BAZ2A: variants seen among roughly 807,000 people sequenced by gnomAD.
The protein encoded by BAZ2A is bromodomain adjacent to zinc finger domain 2A.
Under a neutral mutation model 199.9 loss-of-function variants are expected in BAZ2A, and 34 were observed. The observed-to-expected ratio is 0.17, with a 90% CI of 0.13 to 0.23. The LOEUF (loss-of-function observed/expected upper bound fraction) is 0.23. Ranked by LOEUF, BAZ2A falls within the 10% of genes least tolerant of loss-of-function variation. The pLI is 1.00. For missense variants in BAZ2A, 2,002 were observed against 2,391.1 expected (o/e 0.84, Z 3.39); for synonymous variants, 857 against 883.9 (o/e 0.97, Z 0.54).
intron 1 of BAZ2A, chr12:56,621,088 ACCTCT>A: frequency 1.0e-6 from 1 of 985,174 alleles, no homozygotes; most frequent in Non-Finnish European, 1.2e-6. Flanking sequence ...TCTGATCCTC[ACCTCT>A]CCTCTCCCCA....
At chr12:56,636,878 G>T, upstream of BAZ2A, 1 of 152,560 alleles carries the variant, frequency 6.6e-6, no homozygotes, top group Non-Finnish European at 1.5e-5. Flanking sequence ...GAGACTGCGG[G>T]AGAGGCTGCT....
intron 1 of BAZ2A, among the ~76,000 whole-genome samples, chr12:56,620,114 A>G (rs981411516): frequency 2.6e-5 from 4 of 152,098 alleles, no homozygotes; most frequent in Non-Finnish European, 4.4e-5. Flanking sequence ...CCACACTGGA[A>G]GAAGTGTCTT....
chr12:56,627,835 AAAAAAG>A (rs1951153369), intron 1 of BAZ2A, among the ~76,000 whole-genome samples: 1 of 151,110 alleles, frequency 6.6e-6, no homozygotes, highest in Admixed American at 6.6e-5. Context: ...CAAAAAAAAA[AAAAAAG>A]AAAGAAAGAA....
upstream of BAZ2A, chr12:56,638,301 C>G (rs1951485840): frequency 1.3e-6 from 2 of 1,599,614 alleles, no homozygotes; most frequent in African/African-American, 2.7e-5. Flanking sequence ...AGGAGAGAGA[C>G]AGTACAGAGG....
intron 1 of BAZ2A, among the ~76,000 whole-genome samples, chr12:56,620,273 TG>T (rs1463677716): frequency 6.6e-6 from 1 of 152,098 alleles, no homozygotes; most frequent in East Asian, 1.9e-4. Flanking sequence ...TGGACAAGCT[TG>T]CTCTAAATTA....
At position 56,610,225 on chromosome 12, in the gene BAZ2A, A is replaced by C; in HGVS notation, c.1780-10T>G. 1.2e-6 allele frequency: 2 copies of C among 1,613,596 alleles called. No individual in the cohort carries two copies. Among genetic ancestry groups the C allele is most frequent in the Non-Finnish European group, 1.7e-6 (2 of 1,179,538 alleles). On this transcript the variant is annotated splice_polypyrimidine_tract_variant and intron_variant, in intron 8 of 28. Coordinates refer to ENST00000549884, the MANE Select transcript of BAZ2A (RefSeq NM_001300905.2). Reference sequence around the variant, plus strand: ...CGTTGCGGCTCAGGTACTAAGAGGAAGAAGTAAAGTAACATTAATAAAGTT... The same window carrying C: ...CGTTGCGGCTCAGGTACTAAGAGGACGAAGTAAAGTAACATTAATAAAGTT...
chr12:56,603,338 G>A (rs1352327529), intron 18 of BAZ2A, 21 bp downstream of exon 18: 1 of 1,611,906 alleles, frequency 6.2e-7, no homozygotes, highest in Non-Finnish European at 8.5e-7. Context: ...TCCAACTCTT[G>A]GGAGGTTAGA....
intron 1 of BAZ2A, among the ~76,000 whole-genome samples, chr12:56,618,620 G>C (rs1592605192): frequency 6.6e-6 from 1 of 152,236 alleles, no homozygotes; most frequent in Admixed American, 6.5e-5. Context: ...TTTTAAAAAA[G>C]AGAAGAATTC....
At chr12:56,612,280 A>AC in intron 5 of BAZ2A, 34 bp from the exon 6 acceptor site, 1 of 1,548,662 alleles carries the variant, frequency 6.5e-7, no homozygotes. Flanking sequence ...GGCTTTAAAA[A>AC]AAAAAAAGGC....
In BAZ2A at chr12:56,606,163, A is replaced by G. The variant is rs115515815; in HGVS notation, c.2259+84T>C. 773 of 1,592,694 alleles carry G rather than the reference A, an allele frequency of 4.9e-4. No homozygotes were observed. In the African/African-American group the frequency reaches 9.3e-3, roughly 19 times the overall value. On this transcript the variant is annotated intron_variant, in intron 12 of 28. Transcript: ENST00000549884. ...AACCTCACAGCCCAGAAATCTCACT[A>G]TAAAACAAGACTGATGTACATGTCC...
At chr12:56,616,474 G>A (rs1283099024) in intron 2 of BAZ2A, among the ~76,000 whole-genome samples, 3 of 152,184 alleles carry the variant, frequency 2.0e-5, no homozygotes, top group South Asian at 2.1e-4. Flanking sequence ...CAGAAGGCTG[G>A]GCTTGGCCCT....
intron 1 of BAZ2A, among the ~76,000 whole-genome samples, chr12:56,618,320 A>G (rs1291563615): frequency 6.6e-6 from 1 of 152,164 alleles, no homozygotes; most frequent in Admixed American, 6.5e-5. Context: ...TCACAGGGAA[A>G]ATAAAATAGC....
rs1232458623 is a variant in BAZ2A, at chr12:56,605,063, T to A, written c.2748+10A>T. 1 of 1,591,304 alleles carries A rather than the reference T, an allele frequency of 6.3e-7. No individual in the cohort carries two copies. The highest frequency in any genetic ancestry group is 8.6e-7 in the Non-Finnish European group (1 of 1,165,580). ...TTGTCCTGGTTACTTTGGGAGGGAC[T>A]TGCACTCACCTGACAGTAGGAGGGA... On this transcript the variant is annotated intron_variant, in intron 14 of 28. Transcript: ENST00000549884.
At position 56,598,940 on chromosome 12, in the gene BAZ2A, A is replaced by G; in HGVS notation, c.5474T>C (p.Val1825Ala). 6.2e-7 allele frequency: 1 copy of G among 1,608,696 alleles called. No individual in the cohort carries two copies. Among genetic ancestry groups the G allele is most frequent in the Non-Finnish European group, 8.5e-7 (1 of 1,177,602 alleles). ...TTTGATGATGCGCCGGTACCCACTCACCAAACGTGGGTTCACAGGCTCTAG... is the reference window on the plus strand; with the variant it reads ...TTTGATGATGCGCCGGTACCCACTCGCCAAACGTGGGTTCACAGGCTCTAG... ...PFLEPVNPRLVSGYRRIIKNP... is the reference protein window; with the variant it reads ...PFLEPVNPRLASGYRRIIKNP... The change falls in exon 28 of 29, where the codon GTG becomes GCG. Residue 1825 changes from valine (V) to alanine (A), a missense_variant. This residue lies in a region of BAZ2A where 76 missense variants were observed against 139.3 expected (regional missense o/e 0.55). Transcript: ENST00000549884.
intron 18 of BAZ2A, 84 bp from the exon 19 acceptor site, chr12:56,602,941 A>G: frequency 7.0e-7 from 1 of 1,421,152 alleles, no homozygotes; most frequent in South Asian, 1.3e-5. Flanking sequence ...AGAGAAAGGC[A>G]ATGGCTCTCA....
At chr12:56,635,262 G>A (rs961086447), upstream of BAZ2A, among the ~76,000 whole-genome samples, 15 of 152,096 alleles carry the variant, frequency 9.9e-5, no homozygotes, top group Non-Finnish European at 2.1e-4. This position sits in a 1 kb window ranked among gnomAD's most constrained non-coding sequence, Gnocchi z 4.1. Context: ...TGGTAGGTCC[G>A]AAAGGAAGGA....
chr12:56,601,136 G>A, intron 21 of BAZ2A, 38 bp from the exon 22 acceptor site: 1 of 1,613,910 alleles, frequency 6.2e-7, no homozygotes, highest in Non-Finnish European at 8.5e-7. Context: ...CGCCAGCTGT[G>A]AAGCACTGCC....
At position 56,615,158 on chromosome 12, in the gene BAZ2A, A is replaced by G. The variant is rs1565825967; in HGVS notation, c.586T>C (p.Ser196Pro). The change falls in exon 3 of 29, where the codon TCT becomes CCT. Residue 196 changes from serine to proline, a missense_variant. Physicochemically the swap from Ser to Pro is moderately conservative, Grantham distance 74. Coordinates refer to ENST00000549884, the MANE Select transcript of BAZ2A (RefSeq NM_001300905.2). ...GAGGGTGCAAAGGTTTGAATGCTAG[A>G]TCCCAACATAGGAGAAGTCTGTGGG... ...TSPQTSPMLG[S>P]SIQTFAPSQE... 6.2e-7 allele frequency: 1 copy of G among 1,613,754 alleles called. No individual in the cohort carries two copies. The highest frequency in any genetic ancestry group is 2.2e-5 in the East Asian group (1 of 44,878).
intron 4 of BAZ2A, among the ~76,000 whole-genome samples, 153 bp from the exon 5 acceptor site, chr12:56,613,386 C>T (rs1592593434): frequency 6.6e-6 from 1 of 152,142 alleles, no homozygotes; most frequent in East Asian, 1.9e-4. Flanking sequence ...AAAGCCTTCT[C>T]CCTGAAAGAG....
Sources: allele counts gnomAD v4.1 joint callset (sites outside exome capture counted in the v4.1 genomes callset), GRCh38; gene constraint gnomAD v4.1.1; regional missense constraint gnomAD v4.1.1; non-coding constraint Gnocchi (gnomAD v3.1); transcripts MANE v1.5; gene names NCBI Gene and HGNC (gene_info 2026-07-23, HGNC 2026-07-21).